Variants in LRRC8B observed in about 807,000 individuals in gnomAD.
The protein encoded by LRRC8B is leucine rich repeat containing 8 VRAC subunit B, also known as volume-regulated anion channel subunit LRRC8B.
In LRRC8B, 23 loss-of-function variants were observed where a neutral mutation model predicts 58.8. That is an observed-to-expected ratio of 0.39 (90% CI 0.28 to 0.55). The LOEUF is 0.55. LRRC8B is among the 20% of genes least tolerant of loss of function. LRRC8B has a pLI of 0.62. For missense variants in LRRC8B, 694 were observed against 936.0 expected (o/e 0.74, Z 3.37); for synonymous variants, 359 against 374.1 (o/e 0.96, Z 0.47).
chr1:89,575,119 G>A (rs1387172186), intron 3 of LRRC8B, among the ~76,000 whole-genome samples: 1 of 152,154 alleles, frequency 6.6e-6, no homozygotes, highest in Non-Finnish European at 1.5e-5. Context: ...TAAGAGGAAT[G>A]TAAATCATTT....
intron 1 of LRRC8B, among the ~76,000 whole-genome samples, chr1:89,567,381 A>G (rs10922664): frequency 0.42 from 64,305 of 152,056 alleles, 14,455 homozygotes; most frequent in South Asian, 0.55. Flanking sequence ...GCTTCACCCT[A>G]AGATGACAAA....
chr1:89,530,338 G>A (rs1170313794), intron 1 of LRRC8B, among the ~76,000 whole-genome samples: 9 of 151,216 alleles, frequency 6.0e-5, no homozygotes, highest in African/African-American at 4.9e-5. Flanking sequence ...CAGCCTGGGC[G>A]ACAGAGCAAG....
chr1:89,564,993 G>A (rs1350067654), intron 1 of LRRC8B, among the ~76,000 whole-genome samples: 5 of 152,226 alleles, frequency 3.3e-5, no homozygotes, highest in African/African-American at 4.8e-5. Flanking sequence ...CATTATTTAC[G>A]GTGATCATTA....
At chr1:89,588,728 C>G (rs760686764) in intron 5 of LRRC8B, among the ~76,000 whole-genome samples, 5 of 151,946 alleles carry the variant, frequency 3.3e-5, no homozygotes, top group Admixed American at 2.0e-4. Context: ...GAAACAAAAC[C>G]CCATGGAAAG....
intron 1 of LRRC8B, among the ~76,000 whole-genome samples, chr1:89,546,686 C>T (rs1651428716): frequency 1.3e-5 from 2 of 152,192 alleles, no homozygotes; most frequent in Non-Finnish European, 1.5e-5. Flanking sequence ...ATCACAAAGG[C>T]ATCTGACTCA....
chr1:89,589,865 A>C (rs990562087), intron 5 of LRRC8B, among the ~76,000 whole-genome samples: 16 of 151,998 alleles, frequency 1.1e-4, no homozygotes, highest in African/African-American at 3.9e-4. Flanking sequence ...TAACAATGTC[A>C]GCCATAGATG....
intron 5 of LRRC8B, among the ~76,000 whole-genome samples, chr1:89,585,091 CTATT>C (rs947336909): frequency 6.6e-6 from 1 of 152,142 alleles, no homozygotes; most frequent in Admixed American, 6.5e-5. Context: ...GTATTTTAAA[CTATT>C]TAATTCATTA....
intron 4 of LRRC8B, among the ~76,000 whole-genome samples, chr1:89,582,141 C>G (rs1654270444): frequency 6.6e-6 from 1 of 151,394 alleles, no homozygotes. Context: ...GCTGTAATTC[C>G]AGCACTTTCA....
At chr1:89,571,604 G>A (rs1241715184) in intron 3 of LRRC8B, among the ~76,000 whole-genome samples, 1 of 152,076 alleles carries the variant, frequency 6.6e-6, no homozygotes, top group Non-Finnish European at 1.5e-5. Flanking sequence ...CTGAGACTGT[G>A]GGGTTTTCTA....
chr1:89,583,757 C>T lies in LRRC8B; in HGVS notation c.1107C>T (p.Ile369=), dbSNP rs1437188639. The T allele has an allele frequency of 6.2e-7, 1 of 1,614,094 alleles. No homozygotes were observed. Among genetic ancestry groups the T allele is most frequent in the African/African-American group, 1.3e-5 (1 of 74,938 alleles). The change falls in exon 5 of 6, where the codon ATC becomes ATT. Residue 369 remains isoleucine, a synonymous_variant. Transcript: ENST00000330947. The surrounding 1 kb of genome is among the most constrained non-coding windows in gnomAD (Gnocchi z 5.2). Reference sequence around the variant, plus strand: ...ATGTCAAGAATGACTTTGCCTTCATCCTTCATCTGGCTGATCAGTATGATC... The same window carrying T: ...ATGTCAAGAATGACTTTGCCTTCATTCTTCATCTGGCTGATCAGTATGATC... ...IPDVKNDFAF[I]LHLADQYDPL...
In LRRC8B at chr1:89,544,485, G is replaced by A. The variant is rs372749036; in HGVS notation, c.-241+19463G>A. 1.2e-4 allele frequency among the ~76,000 whole-genome samples: 19 copies of A among 152,214 alleles called. No homozygotes were observed. In the South Asian group the frequency reaches 3.1e-3, roughly 25 times the overall value. On this transcript the variant is annotated intron_variant, in intron 1 of 5. Transcript: ENST00000330947. Reference sequence around the variant, plus strand: ...TCGACTATTGCTAAGTCATATTAATGTCCAAAGTTGAAAAATCCTTTTCCT... The same window carrying A: ...TCGACTATTGCTAAGTCATATTAATATCCAAAGTTGAAAAATCCTTTTCCT...
intron 1 of LRRC8B, among the ~76,000 whole-genome samples, chr1:89,557,845 C>G (rs1247920500): frequency 6.6e-6 from 1 of 152,148 alleles, no homozygotes; most frequent in Non-Finnish European, 1.5e-5. Flanking sequence ...TTATACTTAC[C>G]TAAAACAGCT....
At chr1:89,548,580 T>G (rs1434032313) in intron 1 of LRRC8B, among the ~76,000 whole-genome samples, 1 of 152,090 alleles carries the variant, frequency 6.6e-6, no homozygotes, top group Non-Finnish European at 1.5e-5. Context: ...GACAAAAAAA[T>G]TCAAAGCCTC....
intron 1 of LRRC8B, among the ~76,000 whole-genome samples, chr1:89,554,289 A>G (rs1403255221): frequency 6.6e-6 from 1 of 152,034 alleles, no homozygotes; most frequent in Non-Finnish European, 1.5e-5. Context: ...GTGCCCTGTT[A>G]TTAACCAACC....
rs1655074050 is a variant in LRRC8B at position 89,592,867 on chromosome 1, G to A, written c.2236G>A (p.Glu746Lys). The change falls in exon 6 of 6, where the codon GAG (glutamate) becomes AAG (lysine). Residue 746 changes from glutamate to lysine, a missense_variant. Coordinates refer to ENST00000330947, the MANE Select transcript of LRRC8B (RefSeq NM_001369817.2). ...GATGAATTTGTCCCCTCATGTGGGT[G>A]AGCTGTCAAACCTTACTCATCTGGA... ...SLMNLSPHVG[E>K]LSNLTHLELI... The A allele has an allele frequency of 6.2e-7, 1 of 1,614,086 alleles. No homozygotes were observed. Among genetic ancestry groups the A allele is most frequent in the Non-Finnish European group, 8.5e-7 (1 of 1,180,000 alleles).
At chr1:89,587,898 C>G (rs1654740724) in intron 5 of LRRC8B, 1 of 152,250 alleles carries the variant, frequency 6.6e-6, no homozygotes, top group African/African-American at 2.4e-5. Flanking sequence ...TGACGAGGAC[C>G]TTACCAGCTC....
At chr1:89,557,267 A>G (rs193182414) in intron 1 of LRRC8B, among the ~76,000 whole-genome samples, 1 of 152,122 alleles carries the variant, frequency 6.6e-6, no homozygotes, top group Non-Finnish European at 1.5e-5. Flanking sequence ...TGAAATGTCA[A>G]TGTCTTTGCA....
intron 3 of LRRC8B, among the ~76,000 whole-genome samples, chr1:89,573,904 C>T (rs1653643992): frequency 1.3e-5 from 2 of 152,144 alleles, no homozygotes. Context: ...GAGTTGATAT[C>T]CCCACCCTTG....
At chr1:89,549,089 C>T (rs959478481) in intron 1 of LRRC8B, among the ~76,000 whole-genome samples, 1 of 152,108 alleles carries the variant, frequency 6.6e-6, no homozygotes, top group African/African-American at 2.4e-5. Context: ...CCACAGTGAG[C>T]CCTACAAATA....
Sources: gnomAD v4.1 joint callset for allele counts (sites outside exome capture counted in the v4.1 genomes callset) on GRCh38, gnomAD v4.1.1 for gene constraint, Gnocchi (gnomAD v3.1) non-coding constraint, MANE v1.5 for transcripts, NCBI Gene and HGNC (gene_info 2026-07-23, HGNC 2026-07-21) for gene names.